Variants in CFAP299 observed in about 807,000 individuals in gnomAD.
CFAP299 encodes the protein cilia and flagella associated protein 299.
CFAP299 carries 21 observed loss-of-function variants against 27.0 expected under a neutral mutation model. The observed-to-expected ratio is 0.78, with a 90% CI of 0.55 to 1.12. The LOEUF is 1.12. Ranked by LOEUF, CFAP299 falls within the 50% of genes most tolerant of loss-of-function variation. CFAP299 has a pLI of 0.00. For missense variants in CFAP299, 310 were observed against 276.6 expected, an observed-to-expected ratio of 1.12 and a Z score of -0.86; for synonymous variants, 104 against 98.1, an observed-to-expected ratio of 1.06 and a Z score of -0.36.
chr4:80,629,252 T>A (rs944445174), intron 3 of CFAP299, among the ~76,000 whole-genome samples: 7 of 152,276 alleles, frequency 4.6e-5, no homozygotes, highest in African/African-American at 1.7e-4. Context: ...ATGTGGCATC[T>A]TAAAAAGTTA....
chr4:80,490,378 C>T (rs1465505577), intron 2 of CFAP299, among the ~76,000 whole-genome samples: 2 of 152,154 alleles, frequency 1.3e-5, no homozygotes, highest in Non-Finnish European at 2.9e-5. Flanking sequence ...ATAATACCTG[C>T]CTATACTTGT....
chr4:80,625,294 T>A (rs569186509), intron 3 of CFAP299, among the ~76,000 whole-genome samples: 1 of 152,192 alleles, frequency 6.6e-6, no homozygotes, highest in African/African-American at 2.4e-5. Context: ...TGTGTGTGTA[T>A]GTTATCAAAG....
chr4:80,345,260 G>T (rs1722666674), intron 1 of CFAP299, among the ~76,000 whole-genome samples: 1 of 151,846 alleles, frequency 6.6e-6, no homozygotes, highest in Non-Finnish European at 1.5e-5. Flanking sequence ...CAGCCCAACA[G>T]TTTCTTTTTG....
intron 4 of CFAP299, among the ~76,000 whole-genome samples, chr4:80,886,748 T>C (rs1442611095): frequency 6.6e-6 from 1 of 152,080 alleles, no homozygotes; most frequent in Non-Finnish European, 1.5e-5. Flanking sequence ...CAGGGACCAA[T>C]CCTGGAGAAA....
At chr4:80,635,614 G>C (rs1274946843) in intron 3 of CFAP299, among the ~76,000 whole-genome samples, 2 of 152,008 alleles carry the variant, frequency 1.3e-5, no homozygotes, top group African/African-American at 4.8e-5. Flanking sequence ...TATTCTCTGT[G>C]TTTTATCCTT....
chr4:80,439,579 A>G lies in CFAP299; in HGVS notation c.242+76695A>G, dbSNP rs112301124. ...GCAGGAGATTCCCTCGGGTGCCTACAATACCAGGGCCCTGGGTTTCAAGCA... is the reference window on the plus strand; with the variant it reads ...GCAGGAGATTCCCTCGGGTGCCTACGATACCAGGGCCCTGGGTTTCAAGCA... On this transcript the variant is annotated intron_variant, in intron 2 of 5. Transcript: ENST00000358105. Among the ~76,000 whole-genome samples, 924 of 152,234 alleles carry G rather than the reference A, an allele frequency of 6.1e-3. 20 individuals are homozygous for G. Among genetic ancestry groups the G allele is most frequent in the African/African-American group, 0.021 (889 of 41,532 alleles).
chr4:80,808,397 G>C (rs1041534067), intron 3 of CFAP299, among the ~76,000 whole-genome samples: 1 of 152,074 alleles, frequency 6.6e-6, no homozygotes, highest in Non-Finnish European at 1.5e-5. Flanking sequence ...ACTAAACATA[G>C]CGCTGTGATG....
chr4:80,880,688 C>T (rs1003876582), intron 4 of CFAP299, among the ~76,000 whole-genome samples: 4 of 151,494 alleles, frequency 2.6e-5, no homozygotes, highest in Admixed American at 6.6e-5. Flanking sequence ...ATCACACCAC[C>T]GTACTCCAGG....
Position 80,495,430 on chromosome 4 carries a change from C to T in CFAP299, c.243-87663C>T, listed in dbSNP as rs1731385781. Among the ~76,000 whole-genome samples the T allele has an allele frequency of 2.0e-5, 3 of 152,242 alleles. No homozygotes were observed. The South Asian group carries it at 6.2e-4, about 32-fold the overall frequency. On this transcript the variant is annotated intron_variant, in intron 2 of 5. Transcript: ENST00000358105. ...GGGTAAAAAAAGAATTATATGTACC[C>T]ATTTTCTCTTCATTTAGAAAAAGGT...
At chr4:80,739,048 ATACTT>A (rs1724092078) in intron 3 of CFAP299, among the ~76,000 whole-genome samples, 1 of 152,044 alleles carries the variant, frequency 6.6e-6, no homozygotes, top group African/African-American at 2.4e-5. Context: ...ATAAAACTCT[ATACTT>A]TAGTTTCGTC....
At chr4:80,855,342 A>G (rs539750635) in intron 3 of CFAP299, among the ~76,000 whole-genome samples, 1 of 151,856 alleles carries the variant, frequency 6.6e-6, no homozygotes, top group East Asian at 1.9e-4. Flanking sequence ...TGCAAGTTCT[A>G]CTGTTTATTT....
intron 4 of CFAP299, among the ~76,000 whole-genome samples, chr4:80,909,553 A>G (rs1735363815): frequency 6.6e-6 from 1 of 151,954 alleles, no homozygotes; most frequent in African/African-American, 2.4e-5. Flanking sequence ...AAATTTCCTG[A>G]CATTGTTTTT....
intron 2 of CFAP299, among the ~76,000 whole-genome samples, chr4:80,420,689 T>C (rs1007450849): frequency 6.6e-6 from 1 of 152,196 alleles, no homozygotes; most frequent in Non-Finnish European, 1.5e-5. Context: ...GTATGGCTTG[T>C]CAATATTTTC....
At chr4:80,474,346 A>T (rs1215740919) in intron 2 of CFAP299, among the ~76,000 whole-genome samples, 1 of 152,226 alleles carries the variant, frequency 6.6e-6, no homozygotes, top group Non-Finnish European at 1.5e-5. Context: ...GTGGGACAAT[A>T]TATTTAAAGA....
rs1728467797 is a variant in CFAP299, at chr4:80,800,531, TATATAATATATAATATATC to T, written c.334-69460_334-69442del. On this transcript the variant is annotated intron_variant, in intron 3 of 5. Transcript: ENST00000358105. ...ATATAATATATAATATATAATATAT[TATATAATATATAATATATC>T]AATATATTATATAATATATTAATAT... Among the ~76,000 whole-genome samples, 7 of 22,412 alleles carry T rather than the reference TATATAATATATAATATATC, an allele frequency of 3.1e-4. 1 individual carries two copies. The highest frequency in any genetic ancestry group is 1.8e-3 in the African/African-American group (7 of 3,954). The allele number at this position is 22,412 out of a possible 152,430, so 14.7% of individuals were successfully genotyped here.
At chr4:80,338,002 C>G (rs1331644579) in intron 1 of CFAP299, among the ~76,000 whole-genome samples, 1 of 152,092 alleles carries the variant, frequency 6.6e-6, no homozygotes, top group African/African-American at 2.4e-5. Context: ...CACACAGAAA[C>G]AAGTAGACTC....
At chr4:80,949,984 G>C (rs1737686632) in intron 5 of CFAP299, among the ~76,000 whole-genome samples, 2 of 152,116 alleles carry the variant, frequency 1.3e-5, no homozygotes, top group Non-Finnish European at 2.9e-5. Flanking sequence ...AAAAGGACTG[G>C]AAGTAGAGGT....
At chr4:80,927,011 T>C (rs1376958704) in intron 4 of CFAP299, among the ~76,000 whole-genome samples, 2 of 152,208 alleles carry the variant, frequency 1.3e-5, no homozygotes, top group East Asian at 3.9e-4. Flanking sequence ...ATTTCAGTTC[T>C]GGCCCAGGAT....
At chr4:80,390,494 T>TATATGCATATATACACAC (rs1725269383) in intron 2 of CFAP299, among the ~76,000 whole-genome samples, 1 of 145,340 alleles carries the variant, frequency 6.9e-6, no homozygotes, top group African/African-American at 2.6e-5. Flanking sequence ...TCTCTCTCTA[T>TATATGCATATATACACAC]ATATATGTAT....
Sources: allele counts gnomAD v4.1 joint callset (sites outside exome capture counted in the v4.1 genomes callset), GRCh38; gene constraint gnomAD v4.1.1; transcripts MANE v1.5; gene names NCBI Gene and HGNC (gene_info 2026-07-23, HGNC 2026-07-21).